The following PLGRKT variants were observed in gnomAD, a reference collection of about 807,000 sequenced individuals.
The protein encoded by PLGRKT is plasminogen receptor with a C-terminal lysine.
Under a neutral mutation model 18.5 loss-of-function variants are expected in PLGRKT, and 22 were observed. That is an observed-to-expected ratio of 1.19 (90% confidence interval 0.85 to 1.70). PLGRKT has a LOEUF of 1.70. Among genes scored for constraint, PLGRKT ranks in the 40% most tolerant of loss-of-function variants. PLGRKT has a pLI of 0.00. For synonymous variants in PLGRKT, 72 were observed against 52.8 expected, an observed-to-expected ratio of 1.36 and a Z score of -1.58; for missense variants, 235 against 174.4, an observed-to-expected ratio of 1.35 and a Z score of -1.96.
intron 5 of PLGRKT, among the ~76,000 whole-genome samples, chr9:5,359,981 A>G (rs935130851): frequency 6.6e-6 from 1 of 152,236 alleles, no homozygotes; most frequent in African/African-American, 2.4e-5. Context: ...GAATGCTTTC[A>G]TTGATTTTTA....
intron 2 of PLGRKT, among the ~76,000 whole-genome samples, chr9:5,434,722 G>T (rs1818924826): frequency 6.6e-6 from 1 of 151,854 alleles, no homozygotes. Flanking sequence ...GCTCCGTCTG[G>T]GAAGTGAGGA....
chr9:5,364,685 T>C (rs1394882703), intron 3 of PLGRKT, among the ~76,000 whole-genome samples: 8 of 152,212 alleles, frequency 5.3e-5, no homozygotes, highest in Non-Finnish European at 8.8e-5. Context: ...GGACTATACA[T>C]AAACACTGTA....
intron 3 of PLGRKT, among the ~76,000 whole-genome samples, chr9:5,386,354 C>T (rs1038655323): frequency 6.6e-6 from 1 of 151,824 alleles, no homozygotes; most frequent in Non-Finnish European, 1.5e-5. Flanking sequence ...TGGTTCTCAA[C>T]CAGGCATGAT....
chr9:5,386,776 C>G (rs990244623), intron 3 of PLGRKT, among the ~76,000 whole-genome samples: 2 of 151,872 alleles, frequency 1.3e-5, no homozygotes, highest in Non-Finnish European at 2.9e-5. Context: ...CATAATTATC[C>G]TCTGAGTTCA....
intron 3 of PLGRKT, among the ~76,000 whole-genome samples, chr9:5,387,860 T>C (rs10975088): frequency 0.25 from 37,518 of 151,664 alleles, 5,191 homozygotes; most frequent in Non-Finnish European, 0.3. Flanking sequence ...TAGGAGGCTA[T>C]AGCACTAATC....
chr9:5,415,963 A>C (rs1294816780), intron 3 of PLGRKT, among the ~76,000 whole-genome samples: 2 of 152,058 alleles, frequency 1.3e-5, no homozygotes, highest in African/African-American at 4.8e-5. Flanking sequence ...AAAAAAAAAA[A>C]AAAATCAGTG....
chr9:5,389,678 G>C (rs1427727779), intron 3 of PLGRKT, among the ~76,000 whole-genome samples: 1 of 151,872 alleles, frequency 6.6e-6, no homozygotes, highest in Non-Finnish European at 1.5e-5. Flanking sequence ...AAAGCTCTCA[G>C]AAGGGGCTGG....
chr9:5,434,536 G>A (rs1047072209), intron 2 of PLGRKT, among the ~76,000 whole-genome samples: 1 of 148,210 alleles, frequency 6.7e-6, no homozygotes, highest in Non-Finnish European at 1.5e-5. Context: ...CTTTGTCTGG[G>A]AGGTGGGGAG....
At chr9:5,396,083 G>T (rs1182695312) in intron 3 of PLGRKT, among the ~76,000 whole-genome samples, 1 of 151,050 alleles carries the variant, frequency 6.6e-6, no homozygotes, top group Non-Finnish European at 1.5e-5. Context: ...TAGTAGAGAC[G>T]GGGTTTCACC....
At position 5,424,675 on chromosome 9, in the gene PLGRKT, TA is replaced by T. The variant is rs58743567; in HGVS notation, c.81+7221del. ...ATAATATAATTATATATTTTATATA[TA>T]TATATATATATATATACACACAGGG... is the stretch of plus-strand genomic sequence containing the variant. On this transcript the variant is annotated intron_variant, in intron 3 of 5. Transcript: ENST00000223864. Among the ~76,000 whole-genome samples the T allele has an allele frequency of 2.4e-3, 245 of 101,712 alleles. 9 individuals are homozygous for T. The highest frequency in any genetic ancestry group is 0.011 in the African/African-American group (234 of 20,766). 66.7% of individuals were successfully genotyped at this position (101,712 alleles called of 152,430 possible). A position where few individuals can be genotyped will look rare whatever the true frequency, so the allele number is the denominator to read the frequency against.
chr9:5,412,510 G>C (rs1818384540), intron 3 of PLGRKT, among the ~76,000 whole-genome samples: 1 of 152,166 alleles, frequency 6.6e-6, no homozygotes, highest in Non-Finnish European at 1.5e-5. Context: ...AAGCTTTCTT[G>C]GGCTTGCTTG....
chr9:5,408,160 G>A lies in PLGRKT; in HGVS notation c.81+23737C>T, dbSNP rs114740354. Among the ~76,000 whole-genome samples, 946 of 152,264 alleles carry A rather than the reference G, an allele frequency of 6.2e-3. 10 individuals are homozygous for A. Among genetic ancestry groups the A allele is most frequent in the African/African-American group, 0.022 (911 of 41,544 alleles). On this transcript the variant is annotated intron_variant, in intron 3 of 5. Coordinates refer to ENST00000223864, the MANE Select transcript of PLGRKT (RefSeq NM_018465.4). Reference sequence around the variant, plus strand: ...CTTGTTCACACTGAAAGTGGCTTTCGAACTGTGAAATGGGCAGAGGTTGGA... The same window carrying A: ...CTTGTTCACACTGAAAGTGGCTTTCAAACTGTGAAATGGGCAGAGGTTGGA...
chr9:5,432,571 C>T (rs1382076076), intron 2 of PLGRKT, among the ~76,000 whole-genome samples: 6 of 151,298 alleles, frequency 4.0e-5, no homozygotes, highest in African/African-American at 9.7e-5. Flanking sequence ...GATCTCGGCT[C>T]GCTGCAACCT....
chr9:5,432,507 C>A (rs1483231888), intron 2 of PLGRKT, among the ~76,000 whole-genome samples: 1 of 151,858 alleles, frequency 6.6e-6, no homozygotes, highest in African/African-American at 2.4e-5. Flanking sequence ...CTCCCCCTCC[C>A]CCTCCCTCTT....
Position 5,390,064 on chromosome 9 carries a change from A to G in PLGRKT, c.82-28176T>C, listed in dbSNP as rs80287237. Reference sequence around the variant, plus strand: ...TCATTGAGGAAATCTAGTGGAGTCAAAGGAACCAATGCAGGCCATCTAGAA... The same window carrying G: ...TCATTGAGGAAATCTAGTGGAGTCAGAGGAACCAATGCAGGCCATCTAGAA... On this transcript the variant is annotated intron_variant, in intron 3 of 5. Transcript: ENST00000223864. 9.6e-3 allele frequency among the ~76,000 whole-genome samples: 1,451 copies of G among 151,818 alleles called. 59 individuals are homozygous for G. The highest frequency in any genetic ancestry group is 0.033 in the African/African-American group (1,371 of 41,168).
intron 3 of PLGRKT, among the ~76,000 whole-genome samples, chr9:5,425,408 A>G (rs1196721329): frequency 1.3e-5 from 2 of 152,210 alleles, no homozygotes; most frequent in African/African-American, 4.8e-5. Context: ...GTAAGTTAAA[A>G]AAAGAAAACC....
chr9:5,369,728 A>G (rs1817476211), intron 3 of PLGRKT, among the ~76,000 whole-genome samples: 1 of 152,234 alleles, frequency 6.6e-6, no homozygotes, highest in African/African-American at 2.4e-5. Flanking sequence ...AAAATGTGGC[A>G]CATATACACA....
At chr9:5,376,337 A>G (rs1817627488) in intron 3 of PLGRKT, among the ~76,000 whole-genome samples, 1 of 152,190 alleles carries the variant, frequency 6.6e-6, no homozygotes, top group Non-Finnish European at 1.5e-5. Context: ...TGGGCCTTGC[A>G]ACCAGACTGT....
intron 3 of PLGRKT, among the ~76,000 whole-genome samples, chr9:5,378,774 A>T (rs980307976): frequency 6.6e-6 from 1 of 152,218 alleles, no homozygotes; most frequent in South Asian, 2.1e-4. Flanking sequence ...ACAAATTATA[A>T]ATAATAATGG....
Sources: gnomAD v4.1 joint callset for allele counts (sites outside exome capture counted in the v4.1 genomes callset) on GRCh38, gnomAD v4.1.1 for gene constraint, MANE v1.5 for transcripts, NCBI Gene and HGNC (gene_info 2026-07-23, HGNC 2026-07-21) for gene names.